Variants in KCNB2 observed in about 807,000 individuals in gnomAD.
KCNB2 encodes potassium voltage-gated channel subfamily B member 2.
Under a neutral mutation model 61.5 loss-of-function variants are expected in KCNB2, and 15 were observed. The observed-to-expected ratio is 0.24, with a 90% CI of 0.16 to 0.38. KCNB2 has a LOEUF of 0.38. KCNB2 is among the 10% of genes least tolerant of loss of function. The pLI, the probability that KCNB2 is intolerant of heterozygous loss-of-function variation, is 1.00. For synonymous variants in KCNB2, 457 were observed against 446.0 expected (o/e 1.02, Z -0.31); for missense variants, 828 against 1,125.2 (o/e 0.74, Z 3.78).
intron 2 of KCNB2, among the ~76,000 whole-genome samples, chr8:72,729,610 G>T (rs185979707): frequency 6.6e-6 from 1 of 152,196 alleles, no homozygotes; most frequent in Non-Finnish European, 1.5e-5. Flanking sequence ...CTTGCCGGGC[G>T]CGGTGGCTCA....
chr8:72,561,747 GTA>G lies in KCNB2; in HGVS notation c.-93-5883_-93-5882del, dbSNP rs1320328900. ...TATATATCTATATCTATATATATATGTATATATATATATGGATATATATATAT... is the reference window on the plus strand; with the variant it reads ...TATATATCTATATCTATATATATATGTATATATATATGGATATATATATAT... On this transcript the variant is annotated intron_variant, in intron 1 of 2. Coordinates refer to ENST00000523207, the MANE Select transcript of KCNB2 (RefSeq NM_004770.3). Among the ~76,000 whole-genome samples, 40 of 16,036 alleles carry G rather than the reference GTA, an allele frequency of 2.5e-3. 6 individuals carry two copies. The highest frequency in any genetic ancestry group is 0.012 in the East Asian group (4 of 342). 10.5% of individuals were successfully genotyped at this position (16,036 alleles called of 152,430 possible).
intron 1 of KCNB2, among the ~76,000 whole-genome samples, chr8:72,546,516 C>CAAA (rs35073549): frequency 8.5e-6 from 1 of 117,372 alleles, no homozygotes. Flanking sequence ...GACTCTGTGT[C>CAAA]AAAAAAAAAA....
At chr8:72,853,833 G>A (rs779185253) in intron 2 of KCNB2, among the ~76,000 whole-genome samples, 30 of 152,282 alleles carry the variant, frequency 2.0e-4, no homozygotes, top group East Asian at 3.9e-4. Context: ...GCACCGTCAC[G>A]TGACTTGAAT....
chr8:72,800,016 G>A (rs1428598228), intron 2 of KCNB2, among the ~76,000 whole-genome samples: 6 of 152,040 alleles, frequency 3.9e-5, no homozygotes, highest in Non-Finnish European at 4.4e-5. Context: ...GAGCACGGTG[G>A]GCCTTGAAAA....
rs190867556 is a variant in KCNB2, at chr8:72,648,077, G to A, written c.579+79764G>A. Among the ~76,000 whole-genome samples the A allele has an allele frequency of 1.2e-3, 177 of 152,236 alleles. 1 individual carries two copies. The highest frequency in any genetic ancestry group is 1.9e-4 in the Non-Finnish European group (13 of 68,014). The stretch of plus-strand genomic sequence containing the variant: ...CTTTTGCAAACGAGAGCTCAAAAGG[G>A]GGCTGGATCATCCCAGGATGCAGCC... On this transcript the variant is annotated intron_variant, in intron 2 of 2. Coordinates refer to ENST00000523207, the MANE Select transcript of KCNB2 (RefSeq NM_004770.3).
intron 2 of KCNB2, among the ~76,000 whole-genome samples, chr8:72,644,828 G>C (rs947551542): frequency 6.6e-6 from 1 of 152,072 alleles, no homozygotes; most frequent in Non-Finnish European, 1.5e-5. Context: ...TACAAATAAC[G>C]AAACTGATAT....
At chr8:72,790,026 A>G (rs1808911767) in intron 2 of KCNB2, among the ~76,000 whole-genome samples, 1 of 152,212 alleles carries the variant, frequency 6.6e-6, no homozygotes, top group African/African-American at 2.4e-5. Context: ...TATGATGCTC[A>G]GAAGCAATAG....
At chr8:72,861,858 C>T (rs1005716781) in intron 2 of KCNB2, among the ~76,000 whole-genome samples, 4 of 152,122 alleles carry the variant, frequency 2.6e-5, no homozygotes, top group African/African-American at 9.7e-5. Context: ...TCTCCTGTGG[C>T]CAAAGACTTT....
intron 2 of KCNB2, among the ~76,000 whole-genome samples, chr8:72,765,939 A>T (rs913904456): frequency 6.6e-6 from 1 of 152,224 alleles, no homozygotes; most frequent in Non-Finnish European, 1.5e-5. Context: ...ATATCATTTT[A>T]AAATTGTAGT....
chr8:72,648,146 T>C (rs1448855531), intron 2 of KCNB2, among the ~76,000 whole-genome samples: 3 of 152,128 alleles, frequency 2.0e-5, no homozygotes, highest in Non-Finnish European at 2.9e-5. Context: ...TGAATGTTCG[T>C]GTCGAGAGTT....
chr8:72,828,257 C>T (rs1809631597), intron 2 of KCNB2, among the ~76,000 whole-genome samples: 1 of 152,162 alleles, frequency 6.6e-6, no homozygotes, highest in East Asian at 1.9e-4. Context: ...GAGAAAATAG[C>T]TTAGTTTTTA....
At chr8:72,799,644 T>G (rs1809089707) in intron 2 of KCNB2, among the ~76,000 whole-genome samples, 1 of 152,154 alleles carries the variant, frequency 6.6e-6, no homozygotes, top group Non-Finnish European at 1.5e-5. Context: ...ATGTTTGGTC[T>G]GTCAGGTATC....
At chr8:72,770,764 AG>A (rs1306182378) in intron 2 of KCNB2, among the ~76,000 whole-genome samples, 1 of 152,268 alleles carries the variant, frequency 6.6e-6, no homozygotes, top group Non-Finnish European at 1.5e-5. Context: ...TATTATTACT[AG>A]GACAAAGAGA....
chr8:72,794,079 A>C (rs945087734), intron 2 of KCNB2, among the ~76,000 whole-genome samples: 4 of 152,210 alleles, frequency 2.6e-5, no homozygotes, highest in Non-Finnish European at 5.9e-5. Flanking sequence ...ATTTGGGCCA[A>C]CTCAGCAAGA....
intron 2 of KCNB2, among the ~76,000 whole-genome samples, chr8:72,934,931 G>A (rs552016462): frequency 7.2e-5 from 11 of 152,102 alleles, no homozygotes; most frequent in African/African-American, 2.6e-4. Context: ...TGGCTTTACA[G>A]ATATTCCACA....
chr8:72,621,742 A>T (rs1436737516), intron 2 of KCNB2, among the ~76,000 whole-genome samples: 1 of 152,196 alleles, frequency 6.6e-6, no homozygotes. Context: ...CAGTTTTAAT[A>T]AAATTTAGAC....
intron 2 of KCNB2, among the ~76,000 whole-genome samples, chr8:72,615,499 A>T (rs1805606433): frequency 1.3e-5 from 2 of 152,158 alleles, no homozygotes; most frequent in Non-Finnish European, 2.9e-5. Context: ...TTTCTAGTTT[A>T]TTTGGCCCAT....
intron 2 of KCNB2, among the ~76,000 whole-genome samples, chr8:72,725,306 G>A (rs1021423034): frequency 6.6e-6 from 1 of 151,372 alleles, no homozygotes; most frequent in Non-Finnish European, 1.5e-5. Context: ...ACAGTTCTAG[G>A]CATGGAGCCA....
intron 2 of KCNB2, among the ~76,000 whole-genome samples, chr8:72,786,636 T>A (rs1422873972): frequency 1.3e-4 from 20 of 152,184 alleles, no homozygotes; most frequent in Admixed American, 1.3e-3. Context: ...TACTTCTCTG[T>A]TTGATTCATT....
Sources: allele counts gnomAD v4.1 joint callset (sites outside exome capture counted in the v4.1 genomes callset), GRCh38; gene constraint gnomAD v4.1.1; transcripts MANE v1.5; gene names NCBI Gene and HGNC (gene_info 2026-07-23, HGNC 2026-07-21).